The following PSPC1 variants were observed in gnomAD, a reference collection of about 807,000 sequenced individuals.
The protein encoded by PSPC1 is paraspeckle protein 1.
Under a neutral mutation model 51.6 loss-of-function variants are expected in PSPC1, and 14 were observed. The observed-to-expected ratio is 0.27, with a 90% CI of 0.18 to 0.42. PSPC1 has a LOEUF of 0.42. PSPC1 is among the 10% of genes least tolerant of loss of function. The probability of loss-of-function intolerance (pLI) is 1.00; values close to 1 mark genes in which losing one functional copy is unlikely to be tolerated. For missense variants in PSPC1, 406 were observed against 701.1 expected (o/e 0.58, Z 4.75); for synonymous variants, 193 against 231.9 (o/e 0.83, Z 1.53).
chr13:19,754,469 TTGAGACA>T (rs1886875834), intron 3 of PSPC1, among the ~76,000 whole-genome samples: 1 of 150,348 alleles, frequency 6.7e-6, no homozygotes, highest in Non-Finnish European at 1.5e-5. Context: ...TTTTTTTTTT[TTGAGACA>T]GTCTCGCTCT....
intron 1 of PSPC1, among the ~76,000 whole-genome samples, chr13:19,779,573 G>A (rs1186606500): frequency 6.7e-5 from 1 of 15,024 alleles, no homozygotes; most frequent in African/African-American, 1.7e-4. Flanking sequence ...TCAGCCCTCC[G>A]CCCGGCCAGC....
intron 7 of PSPC1, among the ~76,000 whole-genome samples, chr13:19,707,506 C>T (rs1593581098): frequency 6.6e-6 from 1 of 152,182 alleles, no homozygotes; most frequent in Middle Eastern, 3.4e-3. Flanking sequence ...TCTCAACAAC[C>T]CAACTGGATG....
intron 5 of PSPC1, among the ~76,000 whole-genome samples, chr13:19,741,019 C>T (rs942934559): frequency 1.3e-5 from 2 of 151,956 alleles, no homozygotes; most frequent in Admixed American, 6.6e-5. Flanking sequence ...GGATTACAGG[C>T]GCGTGCCACC....
At chr13:19,715,848 C>A (rs1010388421) in intron 6 of PSPC1, among the ~76,000 whole-genome samples, 1 of 151,962 alleles carries the variant, frequency 6.6e-6, no homozygotes, top group Non-Finnish European at 1.5e-5. Context: ...CCCGTCTCTA[C>A]TAAAAATACA....
intron 1 of PSPC1, among the ~76,000 whole-genome samples, chr13:19,781,124 T>G (rs1296626961): frequency 2.1e-4 from 30 of 142,954 alleles, no homozygotes; most frequent in Non-Finnish European, 2.6e-4. Flanking sequence ...CTAGCCTGGG[T>G]GATAGAGCGA....
chr13:19,703,069 G>C lies in PSPC1; in HGVS notation c.*106C>G, dbSNP rs1171426906. ...TTTACAAAAAAAAAAAAACTTTTAAGTCTACATACATTAACAATAAAACCA... is the reference window on the plus strand; with the variant it reads ...TTTACAAAAAAAAAAAAACTTTTAACTCTACATACATTAACAATAAAACCA... On this transcript the variant is annotated 3_prime_UTR_variant, in exon 9 of 9. Transcript: ENST00000338910. 1 of 743,166 alleles carries C rather than the reference G, an allele frequency of 1.3e-6. No individual in the cohort carries two copies. Among genetic ancestry groups the C allele is most frequent in the Non-Finnish European group, 2.1e-6 (1 of 475,464 alleles). The allele number at this position is 743,166 out of a possible 1,614,324, so 46.0% of individuals were successfully genotyped here. A position where few individuals can be genotyped will look rare whatever the true frequency, so the allele number is the denominator to read the frequency against.
At chr13:19,683,186 A>AT (rs775839077) in intron 6 of PSPC1, among the ~76,000 whole-genome samples, 7 of 152,230 alleles carry the variant, frequency 4.6e-5, no homozygotes, top group Non-Finnish European at 8.8e-5. Flanking sequence ...CCCAAGAGGA[A>AT]TGAATGCATA....
intron 5 of PSPC1, 52 bp downstream of exon 5, chr13:19,741,513 T>A: frequency 7.5e-7 from 1 of 1,326,412 alleles, no homozygotes; most frequent in Non-Finnish European, 1.1e-6. Flanking sequence ...TTGTGGGGAG[T>A]TTTTATTAAT....
Position 19,734,878 on chromosome 13 carries a change from C to T in PSPC1, c.1053-4534G>A, listed in dbSNP as rs186385568. On this transcript the variant is annotated intron_variant, in intron 5 of 8. Coordinates refer to ENST00000338910, the MANE Select transcript of PSPC1 (RefSeq NM_001354909.2). ...TTTTAATTCCAGCTACTCAGGAGGC[C>T]GAGGCAGGAGAATCACTTGAACCTG... Among the ~76,000 whole-genome samples the T allele has an allele frequency of 4.6e-3, 692 of 151,492 alleles. 5 individuals carry two copies. Among genetic ancestry groups the T allele is most frequent in the South Asian group, 0.027 (128 of 4,788 alleles).
At chr13:19,764,593 G>A (rs1180500818) in intron 2 of PSPC1, among the ~76,000 whole-genome samples, 1 of 145,264 alleles carries the variant, frequency 6.9e-6, no homozygotes, top group Non-Finnish European at 1.5e-5. Context: ...GACTGAAGTG[G>A]GAGGATCATT....
chr13:19,692,099 G>A lies in PSPC1; in HGVS notation c.1159-14276C>T, dbSNP rs187144110. On this transcript the variant is annotated intron_variant and NMD_transcript_variant, in intron 6 of 7. Transcript: ENST00000471658. ...GGGAAACTACTGTTTGAAAAGAAAA[G>A]GAAGCAGAATCTGAGTCATGTTTTG... Among the ~76,000 whole-genome samples the A allele has an allele frequency of 3.5e-4, 53 of 152,232 alleles. 1 individual carries two copies. The highest frequency in any genetic ancestry group is 1.1e-3 in the African/African-American group (46 of 41,552).
intron 6 of PSPC1, among the ~76,000 whole-genome samples, chr13:19,692,760 T>G (rs1011271484): frequency 2.6e-5 from 4 of 152,110 alleles, no homozygotes; most frequent in African/African-American, 9.7e-5. Context: ...TAGGACACTT[T>G]GCATCTCCCT....
chr13:19,717,932 G>A (rs1393298278), intron 6 of PSPC1, among the ~76,000 whole-genome samples: 1 of 151,608 alleles, frequency 6.6e-6, no homozygotes, highest in African/African-American at 2.4e-5. Flanking sequence ...TAATCTCAGG[G>A]TTTTGGGGGA....
At chr13:19,745,734 C>T (rs1885907568) in intron 4 of PSPC1, among the ~76,000 whole-genome samples, 1 of 151,754 alleles carries the variant, frequency 6.6e-6, no homozygotes, top group Admixed American at 6.6e-5. Context: ...ATTCTCCCGC[C>T]TCAGCCTCCC....
chr13:19,726,341 A>T (rs981834365), intron 6 of PSPC1, among the ~76,000 whole-genome samples: 3 of 152,226 alleles, frequency 2.0e-5, no homozygotes, highest in African/African-American at 7.2e-5. Flanking sequence ...GAAATAAGCA[A>T]GGTGTAGAGT....
intron 5 of PSPC1, among the ~76,000 whole-genome samples, chr13:19,735,432 G>C (rs1439888265): frequency 1.3e-5 from 2 of 152,204 alleles, no homozygotes; most frequent in Non-Finnish European, 2.9e-5. Context: ...GTCACAGACT[G>C]AACCAGTTCA....
At chr13:19,767,335 T>C (rs1039342666) in intron 2 of PSPC1, among the ~76,000 whole-genome samples, 2 of 152,032 alleles carry the variant, frequency 1.3e-5, no homozygotes, top group Non-Finnish European at 2.9e-5. Flanking sequence ...TAGTCGAAAG[T>C]AAGTTTTAAA....
At chr13:19,730,970 A>AAAC (rs1884026243) in intron 5 of PSPC1, among the ~76,000 whole-genome samples, 1 of 142,766 alleles carries the variant, frequency 7.0e-6, no homozygotes, top group Non-Finnish European at 1.6e-5. Context: ...AAAAACAAAA[A>AAAC]AAAAAAAAAC....
At position 19,751,132 on chromosome 13, in the gene PSPC1, G is replaced by T. The variant is rs182125920; in HGVS notation, c.967+139C>A. 3.3e-4 allele frequency: 200 copies of T among 608,564 alleles called. 2 individuals carry two copies. Among genetic ancestry groups the T allele is most frequent in the African/African-American group, 2.5e-3 (132 of 52,842 alleles). 37.7% of individuals were successfully genotyped at this position (608,564 alleles called of 1,614,324 possible). The stretch of plus-strand genomic sequence containing the variant: ...AAGGGAAGTTATCTGGGAAAAGGGA[G>T]ATTTTCACACCTAATATGTTGAGTT... On this transcript the variant is annotated intron_variant, in intron 4 of 8. Transcript: ENST00000338910.
Sources: allele counts gnomAD v4.1 joint callset (sites outside exome capture counted in the v4.1 genomes callset), GRCh38; gene constraint gnomAD v4.1.1; transcripts MANE v1.5; gene names NCBI Gene and HGNC (gene_info 2026-07-23, HGNC 2026-07-21).